Variants in IMMP2L observed in about 807,000 individuals in gnomAD.
The protein encoded by IMMP2L is mitochondrial inner membrane protease subunit 2.
Under a neutral mutation model 19.3 loss-of-function variants are expected in IMMP2L, and 18 were observed. The observed-to-expected ratio is 0.93, with a 90% confidence interval of 0.64 to 1.38. The LOEUF is 1.38. IMMP2L is among the 40% of genes most tolerant of loss of function. The pLI is 0.00. For missense variants in IMMP2L, 233 were observed against 218.2 expected (o/e 1.07, Z -0.43); for synonymous variants, 76 against 73.0 (o/e 1.04, Z -0.21).
chr7:111,478,657 C>T (rs1841925668), intron 3 of IMMP2L, among the ~76,000 whole-genome samples: 1 of 152,030 alleles, frequency 6.6e-6, no homozygotes, highest in East Asian at 1.9e-4. Flanking sequence ...AACTCCTGAG[C>T]TCAAGTGATC....
chr7:111,494,104 G>A (rs1364522734), intron 2 of IMMP2L, among the ~76,000 whole-genome samples: 1 of 152,118 alleles, frequency 6.6e-6, no homozygotes, highest in Admixed American at 6.5e-5. Flanking sequence ...CACAGAATCT[G>A]TATTTTCTTG....
intron 5 of IMMP2L, among the ~76,000 whole-genome samples, chr7:110,780,444 C>A (rs1433866105): frequency 6.6e-6 from 1 of 151,732 alleles, no homozygotes; most frequent in Admixed American, 6.6e-5. Flanking sequence ...TGCAAATATT[C>A]TAGAGCTAAT....
chr7:110,746,620 A>G (rs1027576228), intron 5 of IMMP2L, among the ~76,000 whole-genome samples: 2 of 152,210 alleles, frequency 1.3e-5, no homozygotes, highest in Admixed American at 1.3e-4. Flanking sequence ...GCACAACTAT[A>G]TAGAAACTGA....
chr7:110,830,575 C>A lies in IMMP2L; in HGVS notation c.408+56018G>T, dbSNP rs535927953. On this transcript the variant is annotated intron_variant, in intron 5 of 5. Transcript: ENST00000405709. ...TAATAAAGAAGGCCATCTTGTACTGCAAACAAAAAAAACATCAAAATATTT... is the reference window on the plus strand; with the variant it reads ...TAATAAAGAAGGCCATCTTGTACTGAAAACAAAAAAAACATCAAAATATTT... Among the ~76,000 whole-genome samples, 10 of 151,874 alleles carry A rather than the reference C, an allele frequency of 6.6e-5. No homozygotes were observed. In the East Asian group the frequency reaches 1.9e-3, roughly 29 times the overall value.
chr7:111,030,250 C>T (rs1389444127), intron 3 of IMMP2L, among the ~76,000 whole-genome samples: 2 of 152,012 alleles, frequency 1.3e-5, no homozygotes, highest in Admixed American at 1.3e-4. Context: ...TCCTACACTT[C>T]CTCCATCATC....
At chr7:110,703,152 T>C (rs1021877085) in intron 5 of IMMP2L, among the ~76,000 whole-genome samples, 6 of 152,164 alleles carry the variant, frequency 3.9e-5, no homozygotes, top group Non-Finnish European at 8.8e-5. Context: ...TATGAATAGA[T>C]ATTGAGTTTT....
At chr7:111,305,930 G>A (rs1584538706) in intron 3 of IMMP2L, among the ~76,000 whole-genome samples, 1 of 152,254 alleles carries the variant, frequency 6.6e-6, no homozygotes, top group Non-Finnish European at 1.5e-5. Flanking sequence ...GGCCAGAATA[G>A]GGCAAGGGAA....
chr7:110,734,409 C>T (rs1236372673), intron 5 of IMMP2L, among the ~76,000 whole-genome samples: 1 of 152,162 alleles, frequency 6.6e-6, no homozygotes, highest in Non-Finnish European at 1.5e-5. Context: ...AACTTAACAG[C>T]AATGAAATAG....
intron 5 of IMMP2L, among the ~76,000 whole-genome samples, chr7:110,824,880 A>AT (rs1448533527): frequency 3.3e-5 from 5 of 152,204 alleles, no homozygotes; most frequent in African/African-American, 1.2e-4. Flanking sequence ...TTGACATTTA[A>AT]TAAAAGAGGA....
At chr7:111,138,737 C>T (rs906670667) in intron 3 of IMMP2L, among the ~76,000 whole-genome samples, 1 of 152,106 alleles carries the variant, frequency 6.6e-6, no homozygotes, top group Non-Finnish European at 1.5e-5. Context: ...AAAAAATCAG[C>T]TGAAGTCCTA....
At chr7:111,065,751 C>G (rs1647686943) in intron 3 of IMMP2L, among the ~76,000 whole-genome samples, 1 of 152,226 alleles carries the variant, frequency 6.6e-6, no homozygotes, top group Non-Finnish European at 1.5e-5. Flanking sequence ...ACTCCAAGTT[C>G]TTCAGCTTTG....
intron 5 of IMMP2L, among the ~76,000 whole-genome samples, chr7:110,775,873 C>A (rs945910099): frequency 6.6e-6 from 1 of 151,810 alleles, no homozygotes; most frequent in East Asian, 1.9e-4. Context: ...TCCATGCCCA[C>A]GCATTACCCT....
intron 5 of IMMP2L, among the ~76,000 whole-genome samples, chr7:110,779,134 C>T (rs1326269327): frequency 3.3e-5 from 5 of 151,910 alleles, no homozygotes; most frequent in Admixed American, 2.0e-4. Context: ...ATAACCATCT[C>T]CCAGAAGTCA....
intron 2 of IMMP2L, among the ~76,000 whole-genome samples, chr7:111,518,254 T>C (rs940582042): frequency 6.6e-6 from 1 of 152,118 alleles, no homozygotes; most frequent in African/African-American, 2.4e-5. Flanking sequence ...AACAGAATTT[T>C]TGAAAGACCG....
intron 4 of IMMP2L, among the ~76,000 whole-genome samples, chr7:110,942,739 G>C (rs1399964929): frequency 6.6e-6 from 1 of 151,506 alleles, no homozygotes; most frequent in African/African-American, 2.4e-5. Flanking sequence ...ATGTCAGATA[G>C]AGAAAATGAC....
Position 111,468,411 on chromosome 7 carries a change from A to G in IMMP2L, c.239+18827T>C, listed in dbSNP as rs980583359. On this transcript the variant is annotated intron_variant, in intron 3 of 5. Coordinates refer to ENST00000405709, the MANE Select transcript of IMMP2L (RefSeq NM_032549.4). ...TTTGCCCATTTATTATTATTATAGCAAGGCTGTAGGGGCCATACTATCCAT... is the reference window on the plus strand; with the variant it reads ...TTTGCCCATTTATTATTATTATAGCGAGGCTGTAGGGGCCATACTATCCAT... 2.0e-5 allele frequency among the ~76,000 whole-genome samples: 3 copies of G among 152,136 alleles called. 1 individual carries two copies. The highest frequency in any genetic ancestry group is 4.4e-5 in the Non-Finnish European group (3 of 68,010).
chr7:110,983,952 T>G (rs1242548782), intron 3 of IMMP2L, among the ~76,000 whole-genome samples: 1 of 152,038 alleles, frequency 6.6e-6, no homozygotes, highest in Non-Finnish European at 1.5e-5. Flanking sequence ...ATGCCACATT[T>G]ATAGTCTATA....
At chr7:111,365,185 C>T (rs1829654966) in intron 3 of IMMP2L, among the ~76,000 whole-genome samples, 1 of 152,008 alleles carries the variant, frequency 6.6e-6, no homozygotes, top group Non-Finnish European at 1.5e-5. Flanking sequence ...CCGCAGTGGC[C>T]TTTGCACAAT....
chr7:110,872,116 C>T (rs1321670613), intron 5 of IMMP2L, among the ~76,000 whole-genome samples: 4 of 152,088 alleles, frequency 2.6e-5, no homozygotes, highest in African/African-American at 9.7e-5. Context: ...TTTGAATTTG[C>T]ATAGGTTGCA....
Sources: gnomAD v4.1 joint callset for allele counts (sites outside exome capture counted in the v4.1 genomes callset) on GRCh38, gnomAD v4.1.1 for gene constraint, MANE v1.5 for transcripts, NCBI Gene and HGNC (gene_info 2026-07-23, HGNC 2026-07-21) for gene names.